The following FAM53B variants were observed in gnomAD, a reference collection of about 807,000 sequenced individuals.
The protein encoded by FAM53B is protein FAM53B.
In FAM53B, 12 loss-of-function variants were observed where a neutral mutation model predicts 32.7. That is an observed-to-expected ratio of 0.37 (90% confidence interval 0.24 to 0.59). The LOEUF is 0.59. Ranked by LOEUF, FAM53B falls within the 20% of genes least tolerant of loss-of-function variation. FAM53B has a pLI of 0.72. For missense variants in FAM53B, 477 were observed against 577.7 expected, an observed-to-expected ratio of 0.83 and a Z score of 1.79; for synonymous variants, 234 against 228.7, an observed-to-expected ratio of 1.02 and a Z score of -0.21.
At chr10:124,646,770 T>A (rs1337762255) in intron 4 of FAM53B, among the ~76,000 whole-genome samples, 2 of 152,202 alleles carry the variant, frequency 1.3e-5, no homozygotes, top group African/African-American at 4.8e-5. Flanking sequence ...TTCATCCCAT[T>A]ACTTTAAGGG....
At chr10:124,740,434 G>A (rs1205853997) in intron 1 of FAM53B, among the ~76,000 whole-genome samples, 1 of 152,220 alleles carries the variant, frequency 6.6e-6, no homozygotes, top group African/African-American at 2.4e-5. Flanking sequence ...CATTAATCAT[G>A]TTAATGTAAA....
intron 1 of FAM53B, among the ~76,000 whole-genome samples, chr10:124,735,125 A>G (rs1223335339): frequency 3.3e-5 from 5 of 152,226 alleles, no homozygotes; most frequent in South Asian, 4.2e-4. Context: ...AGCTCCCCCA[A>G]CGTGAGAGGA....
intron 4 of FAM53B, among the ~76,000 whole-genome samples, chr10:124,669,832 A>C (rs559779632): frequency 2.0e-5 from 3 of 152,218 alleles, no homozygotes; most frequent in East Asian, 3.9e-4. Context: ...TCTTCCCTGG[A>C]AAGTAGAACA....
chr10:124,663,518 C>T (rs2134058190), intron 4 of FAM53B, among the ~76,000 whole-genome samples: 1 of 152,308 alleles, frequency 6.6e-6, no homozygotes, highest in South Asian at 2.1e-4. Flanking sequence ...CAGAGGTGGC[C>T]TCCCACAGAG....
In FAM53B at chr10:124,681,541, G is replaced by A. The variant is rs1299679197; in HGVS notation, c.906+66C>T. The stretch of plus-strand genomic sequence containing the variant: ...AAACTGGCAATCTATGCTTGTCTAG[G>A]ACGGCCCAGAACCAGCAGAGGCTCC... On this transcript the variant is annotated intron_variant, in intron 4 of 4. Coordinates refer to ENST00000337318, the MANE Select transcript of FAM53B (RefSeq NM_014661.4). 4 of 1,406,980 alleles carry A rather than the reference G, an allele frequency of 2.8e-6. No individual in the cohort carries two copies. The Admixed American group carries it at 1.1e-4, about 38-fold the overall frequency. The allele number at this position is 1,406,980 out of a possible 1,614,324, so 87.2% of individuals were successfully genotyped here.
intron 1 of FAM53B, among the ~76,000 whole-genome samples, chr10:124,716,530 G>A (rs1262885798): frequency 6.6e-6 from 1 of 152,152 alleles, no homozygotes; most frequent in African/African-American, 2.4e-5. Context: ...GATCCAAAAA[G>A]CCAAAACAAA....
chr10:124,719,196 C>T (rs921134762), intron 1 of FAM53B, among the ~76,000 whole-genome samples: 19 of 152,190 alleles, frequency 1.2e-4, no homozygotes, highest in African/African-American at 3.4e-4. Context: ...AGCTGCTCAA[C>T]GGGTCTTGAG....
chr10:124,641,986 G>C (rs1448472047), intron 4 of FAM53B, among the ~76,000 whole-genome samples: 1 of 152,246 alleles, frequency 6.6e-6, no homozygotes, highest in Non-Finnish European at 1.5e-5. Context: ...AGGTCACCCA[G>C]CTGGAGAGCC....
rs1171256800 is a variant in FAM53B at position 124,683,323 on chromosome 10, A to C, written c.134-944T>G. 2.0e-5 allele frequency among the ~76,000 whole-genome samples: 3 copies of C among 152,244 alleles called. 1 individual carries two copies. In the South Asian group the frequency reaches 6.2e-4, roughly 32 times the overall value. On this transcript the variant is annotated intron_variant, in intron 3 of 4. Coordinates refer to ENST00000337318, the MANE Select transcript of FAM53B (RefSeq NM_014661.4). ...ACATAGTTCTTGTATTCAAGTTTAC[A>C]GTATAAAAGCAAAGTTACAAAATAT...
At chr10:124,687,554 G>A (rs1375551277) in intron 3 of FAM53B, among the ~76,000 whole-genome samples, 2 of 152,196 alleles carry the variant, frequency 1.3e-5, no homozygotes, top group Admixed American at 6.5e-5. Context: ...CGCTCTCCTA[G>A]CTGAGGCTTG....
intron 4 of FAM53B, among the ~76,000 whole-genome samples, chr10:124,657,911 C>T (rs1949604389): frequency 6.6e-6 from 1 of 152,352 alleles, no homozygotes; most frequent in Admixed American, 6.5e-5. Context: ...TTGCAGCCAG[C>T]CTACTCCACA....
chr10:124,741,961 T>C (rs748117055), intron 1 of FAM53B, among the ~76,000 whole-genome samples: 1 of 152,246 alleles, frequency 6.6e-6, no homozygotes, highest in Non-Finnish European at 1.5e-5. Flanking sequence ...GTTGCTAGTT[T>C]CTATTTAAAA....
intron 2 of FAM53B, among the ~76,000 whole-genome samples, chr10:124,703,112 TCGG>T (rs1158426499): frequency 2.0e-5 from 3 of 152,106 alleles, no homozygotes; most frequent in Non-Finnish European, 4.4e-5. Context: ...TGCTGTGATA[TCGG>T]CTCACTGCAA....
intron 4 of FAM53B, among the ~76,000 whole-genome samples, chr10:124,668,935 C>T (rs983721075): frequency 1.3e-5 from 2 of 152,232 alleles, no homozygotes; most frequent in Non-Finnish European, 1.5e-5. Flanking sequence ...GCCAAAGGCG[C>T]CTCTCACGGA....
At chr10:124,676,548 G>A (rs1257135084) in intron 4 of FAM53B, among the ~76,000 whole-genome samples, 1 of 152,188 alleles carries the variant, frequency 6.6e-6, no homozygotes, top group African/African-American at 2.4e-5. Flanking sequence ...CAACCCCATG[G>A]CGACCAACAA....
At chr10:124,669,409 G>A (rs1056207972) in intron 4 of FAM53B, among the ~76,000 whole-genome samples, 6 of 152,202 alleles carry the variant, frequency 3.9e-5, no homozygotes, top group African/African-American at 9.7e-5. Flanking sequence ...CCCCGTGCCC[G>A]GCTTTACCAG....
intron 3 of FAM53B, among the ~76,000 whole-genome samples, chr10:124,691,275 C>A (rs1949831052): frequency 6.6e-6 from 1 of 152,098 alleles, no homozygotes; most frequent in East Asian, 1.9e-4. Flanking sequence ...GTAATTAAAC[C>A]CTGAAAGTAA....
chr10:124,694,629 C>T (rs1246949260), intron 3 of FAM53B, among the ~76,000 whole-genome samples: 1 of 152,232 alleles, frequency 6.6e-6, no homozygotes, highest in Non-Finnish European at 1.5e-5. Context: ...TCTCTCTTTC[C>T]CAGCATGACG....
intron 1 of FAM53B, among the ~76,000 whole-genome samples, chr10:124,714,520 G>T (rs976975896): frequency 2.6e-5 from 4 of 152,086 alleles, no homozygotes; most frequent in Non-Finnish European, 5.9e-5. Flanking sequence ...CAGCACTTTG[G>T]GAGGCTGAGG....
Sources: allele counts gnomAD v4.1 joint callset (sites outside exome capture counted in the v4.1 genomes callset), GRCh38; gene constraint gnomAD v4.1.1; transcripts MANE v1.5; gene names NCBI Gene and HGNC (gene_info 2026-07-23, HGNC 2026-07-21).